Variants in RBFOX1 observed in about 807,000 individuals in gnomAD.
RBFOX1 encodes RNA binding protein fox-1 homolog 1.
RBFOX1 carries 8 observed loss-of-function variants against 57.7 expected under a neutral mutation model. The ratio of observed to expected loss-of-function variants is 0.14; its 90% confidence interval spans 0.08 to 0.25. The LOEUF (loss-of-function observed/expected upper bound fraction) is 0.25. RBFOX1 is among the 10% of genes least tolerant of loss of function. RBFOX1 has a pLI of 1.00. For missense variants in RBFOX1, 611 were observed against 548.5 expected, an observed-to-expected ratio of 1.11 and a Z score of -1.14; for synonymous variants, 326 against 222.4, an observed-to-expected ratio of 1.47 and a Z score of -4.15.
At chr16:7,620,655 A>G (rs2059166082) in intron 10 of RBFOX1, among the ~76,000 whole-genome samples, 1 of 152,186 alleles carries the variant, frequency 6.6e-6, no homozygotes, top group Non-Finnish European at 1.5e-5. Context: ...CGGAATTCTT[A>G]GATGTGGCTT....
At chr16:7,247,058 G>T (rs1174485415) in intron 4 of RBFOX1, among the ~76,000 whole-genome samples, 1 of 152,180 alleles carries the variant, frequency 6.6e-6, no homozygotes, top group Non-Finnish European at 1.5e-5. Flanking sequence ...TGTGTCTGTA[G>T]TACAATGGGG....
rs2084097632 is a variant in RBFOX1, at chr16:7,712,181, T to A, written c.*1436T>A. The A allele has an allele frequency of 6.6e-6, 1 of 152,606 alleles. No individual in the cohort carries two copies. Among genetic ancestry groups the A allele is most frequent in the South Asian group, 2.1e-4 (1 of 4,834 alleles). The allele number at this position is 152,606 out of a possible 1,614,324, so 9.5% of individuals were successfully genotyped here. ...CACGTTGTCCTGTTTACAAGTTAAC[T>A]TAAGTTGGGGTATCCGTCACGGGTC... On this transcript the variant is annotated 3_prime_UTR_variant, in exon 16 of 16. Coordinates refer to ENST00000550418, the MANE Select transcript of RBFOX1 (RefSeq NM_018723.4).
chr16:7,612,415 T>A (rs1472258243), intron 10 of RBFOX1, among the ~76,000 whole-genome samples: 2 of 151,212 alleles, frequency 1.3e-5, no homozygotes, highest in Non-Finnish European at 2.9e-5. Context: ...CCAATGTGTA[T>A]GGCCCTTCTT....
intron 3 of RBFOX1, among the ~76,000 whole-genome samples, chr16:6,892,540 C>T (rs992246156): frequency 6.6e-6 from 1 of 152,058 alleles, no homozygotes; most frequent in African/African-American, 2.4e-5. Context: ...CATGGTGGCA[C>T]ACACCTGTAA....
At chr16:5,343,610 T>G (rs1367895870) in intron 1 of RBFOX1, among the ~76,000 whole-genome samples, 1 of 152,160 alleles carries the variant, frequency 6.6e-6, no homozygotes, top group African/African-American at 2.4e-5. Context: ...CATGAGCCAC[T>G]GCGCCCGGCC....
intron 4 of RBFOX1, among the ~76,000 whole-genome samples, chr16:7,254,268 A>G (rs2094591740): frequency 1.3e-5 from 2 of 151,960 alleles, no homozygotes; most frequent in South Asian, 4.2e-4. Flanking sequence ...AGTATTAACC[A>G]CTCCATAAAG....
chr16:5,446,666 C>A (rs562718610), intron 1 of RBFOX1, among the ~76,000 whole-genome samples: 1 of 151,998 alleles, frequency 6.6e-6, no homozygotes, highest in Admixed American at 6.6e-5. Context: ...GAGAGGGGAT[C>A]GCTGTGATTC....
At chr16:5,577,616 C>T (rs1044895375) in intron 2 of RBFOX1, among the ~76,000 whole-genome samples, 7 of 152,202 alleles carry the variant, frequency 4.6e-5, no homozygotes, top group African/African-American at 1.7e-4. Flanking sequence ...TGTTTGCAAT[C>T]TTGAGGCCAG....
intron 4 of RBFOX1, among the ~76,000 whole-genome samples, chr16:7,311,383 A>G (rs2096302887): frequency 1.3e-5 from 2 of 152,088 alleles, no homozygotes; most frequent in South Asian, 4.1e-4. Flanking sequence ...TTGTGGCCAT[A>G]GAACAAAGTA....
chr16:5,608,198 C>T (rs943787593), intron 3 of RBFOX1, among the ~76,000 whole-genome samples: 6 of 152,160 alleles, frequency 3.9e-5, no homozygotes, highest in Admixed American at 1.3e-4. Flanking sequence ...TCATAACACC[C>T]CGGGGGCAAG....
At chr16:6,826,360 A>AG (rs2092137732) in intron 3 of RBFOX1, among the ~76,000 whole-genome samples, 2 of 152,152 alleles carry the variant, frequency 1.3e-5, no homozygotes, top group Non-Finnish European at 2.9e-5. Context: ...TTACAGAAAA[A>AG]GGGAGGGGTG....
chr16:7,100,416 C>A (rs975035326), intron 4 of RBFOX1, among the ~76,000 whole-genome samples: 11 of 151,044 alleles, frequency 7.3e-5, no homozygotes, highest in African/African-American at 2.5e-5. Flanking sequence ...ATTTCCTCCT[C>A]TTTTAAAATA....
rs115329694 is a variant in RBFOX1, at chr16:7,099,673, A to G, written c.27+47575A>G. Among the ~76,000 whole-genome samples, 250 of 152,228 alleles carry G rather than the reference A, an allele frequency of 1.6e-3. 1 individual carries two copies. The highest frequency in any genetic ancestry group is 5.2e-3 in the African/African-American group (215 of 41,552). ...ACATTTAGGGAGACATGAGACATCA[A>G]TCAATACATGTAAGATTTGCATTGG... On this transcript the variant is annotated intron_variant, in intron 4 of 15. Transcript: ENST00000550418.
intron 1 of RBFOX1, among the ~76,000 whole-genome samples, chr16:5,388,095 G>A (rs1596790777): frequency 6.6e-6 from 1 of 152,152 alleles, no homozygotes. Flanking sequence ...CCTTGATTAT[G>A]GCTCAGGGAG....
At chr16:5,495,334 C>T (rs1172956363) in intron 2 of RBFOX1, among the ~76,000 whole-genome samples, 1 of 152,192 alleles carries the variant, frequency 6.6e-6, no homozygotes, top group African/African-American at 2.4e-5. Flanking sequence ...CTTGAATCTG[C>T]AGAGAGAGAC....
chr16:6,883,368 TA>T (rs2063340144), intron 3 of RBFOX1, among the ~76,000 whole-genome samples: 1 of 152,214 alleles, frequency 6.6e-6, no homozygotes, highest in Non-Finnish European at 1.5e-5. Flanking sequence ...TATAATCAAG[TA>T]AATCACAGCC....
At chr16:5,437,430 A>G (rs949970013) in intron 1 of RBFOX1, among the ~76,000 whole-genome samples, 2 of 152,246 alleles carry the variant, frequency 1.3e-5, no homozygotes, top group African/African-American at 4.8e-5. Context: ...TCACAAGGAA[A>G]TCATCCTAAG....
chr16:6,662,113 G>T (rs1004740354), intron 3 of RBFOX1, among the ~76,000 whole-genome samples: 1 of 124,048 alleles, frequency 8.1e-6, no homozygotes, highest in African/African-American at 3.0e-5. Context: ...GTAGGATGGT[G>T]GTTGCCGAGG....
intron 1 of RBFOX1, among the ~76,000 whole-genome samples, chr16:5,249,130 C>G (rs1174580992): frequency 6.6e-6 from 1 of 152,156 alleles, no homozygotes; most frequent in Non-Finnish European, 1.5e-5. Context: ...AAGTCACACA[C>G]CTTTATTTAA....
Sources: allele counts gnomAD v4.1 joint callset (sites outside exome capture counted in the v4.1 genomes callset), GRCh38; gene constraint gnomAD v4.1.1; transcripts MANE v1.5; gene names NCBI Gene and HGNC (gene_info 2026-07-23, HGNC 2026-07-21).